Variants in ASB3 observed in about 807,000 individuals in gnomAD.
ASB3 encodes ankyrin repeat and SOCS box protein 3.
In ASB3, 41 loss-of-function variants were observed where a neutral mutation model predicts 54.5. The ratio of observed to expected loss-of-function variants is 0.75; its 90% CI spans 0.59 to 0.98. ASB3 has a LOEUF of 0.98. Ranked by LOEUF, ASB3 falls within the 50% of genes least tolerant of loss-of-function variation. The probability of loss-of-function intolerance (pLI) is 0.00; values close to 1 mark genes in which losing one functional copy is unlikely to be tolerated. For synonymous variants in ASB3, 266 were observed against 221.2 expected (o/e 1.20, Z -1.80); for missense variants, 733 against 620.0 (o/e 1.18, Z -1.94).
intron 1 of ASB3, chr2:53,767,360 G>A (rs1673534037): frequency 6.6e-6 from 1 of 152,032 alleles, no homozygotes; most frequent in Non-Finnish European, 1.5e-5. Context: ...AATCAAATAT[G>A]AATTACATTC....
chr2:53,734,438 T>C (rs3770400), intron 3 of ASB3, among the ~76,000 whole-genome samples: 27,213 of 152,122 alleles, frequency 0.18, 2,721 homozygotes, highest in African/African-American at 0.27. Flanking sequence ...TCTTCTTGAG[T>C]CTACATTCAG....
intron 1 of ASB3, among the ~76,000 whole-genome samples, chr2:53,783,147 G>C (rs1188153038): frequency 6.6e-6 from 1 of 152,008 alleles, no homozygotes; most frequent in Non-Finnish European, 1.5e-5. Context: ...GAAAGAAGCA[G>C]AGCTATTTCC....
chr2:53,768,304 G>A, intron 1 of ASB3: 1 of 368,308 alleles, frequency 2.7e-6, no homozygotes, highest in Non-Finnish European at 4.9e-6. Context: ...TGAGTGCGGA[G>A]ATGGGGACTC....
chr2:53,739,601 C>T (rs1407015867), intron 3 of ASB3, among the ~76,000 whole-genome samples: 1 of 152,116 alleles, frequency 6.6e-6, no homozygotes, highest in Non-Finnish European at 1.5e-5. Flanking sequence ...ATTATAAACA[C>T]AATTTTGTAC....
intron 2 of ASB3, among the ~76,000 whole-genome samples, chr2:53,758,901 C>A (rs951545221): frequency 1.3e-5 from 2 of 152,158 alleles, no homozygotes; most frequent in Non-Finnish European, 2.9e-5. Flanking sequence ...AGTGTATGTA[C>A]CTTTTTCCCT....
intron 8 of ASB3, among the ~76,000 whole-genome samples, chr2:53,696,659 C>T (rs1669197922): frequency 2.0e-5 from 3 of 152,100 alleles, no homozygotes; most frequent in African/African-American, 4.8e-5. Flanking sequence ...GATAGCCCTC[C>T]ACATCCTAAG....
chr2:53,689,119 T>C (rs1668778248), intron 9 of ASB3, among the ~76,000 whole-genome samples: 2 of 151,500 alleles, frequency 1.3e-5, no homozygotes, highest in Admixed American at 1.3e-4. Flanking sequence ...TATTAAGAGT[T>C]AAAAAAGATA....
intron 8 of ASB3, 29 bp downstream of exon 8, chr2:53,700,242 G>T: frequency 1.9e-6 from 3 of 1,599,246 alleles, no homozygotes; most frequent in South Asian, 1.1e-5. Context: ...CTCAAAAAGG[G>T]TAAGCCCGAC....
Position 53,680,238 on chromosome 2 carries a change from C to A in ASB3, c.1370-9548G>T, listed in dbSNP as rs148590581. On this transcript the variant is annotated intron_variant, in intron 9 of 9. Transcript: ENST00000263634. ...ATGTGTCTTTATGACAGAAAGATTT[C>A]TATTCCTAAGGGTATATACCCAGTT... 3.3e-5 allele frequency among the ~76,000 whole-genome samples: 5 copies of A among 152,282 alleles called. No homozygotes were observed. The East Asian group carries it at 7.7e-4, about 24-fold the overall frequency.
At chr2:53,755,583 ATCATCTTACTATG>A (rs915313408) in intron 2 of ASB3, among the ~76,000 whole-genome samples, 97 of 152,304 alleles carry the variant, frequency 6.4e-4, no homozygotes, top group Middle Eastern at 3.4e-3. Flanking sequence ...CACAATTTAT[ATCATCTTACTATG>A]TTTTATTTAG....
Position 53,695,993 on chromosome 2 carries a change from T to C in ASB3, c.1239-1979A>G, listed in dbSNP as rs78479507. On this transcript the variant is annotated intron_variant, in intron 8 of 9. Transcript: ENST00000263634. The stretch of plus-strand genomic sequence containing the variant: ...AATCTACTTTAACAACATATTGGAA[T>C]TTTTATAGAATGTTTCTTATAATAG... 6.0e-3 allele frequency among the ~76,000 whole-genome samples: 916 copies of C among 152,298 alleles called. 11 individuals carry two copies. Among genetic ancestry groups the C allele is most frequent in the African/African-American group, 0.021 (878 of 41,558 alleles).
intron 8 of ASB3, among the ~76,000 whole-genome samples, chr2:53,699,763 C>T (rs186946174): frequency 5.4e-4 from 82 of 152,222 alleles, no homozygotes; most frequent in Non-Finnish European, 7.8e-4. Flanking sequence ...TCTGACTCGG[C>T]GTTTGTATAA....
chr2:53,675,716 G>A (rs1471386236), intron 9 of ASB3, among the ~76,000 whole-genome samples: 2 of 152,142 alleles, frequency 1.3e-5, no homozygotes, highest in Non-Finnish European at 2.9e-5. Flanking sequence ...TTACTAAATG[G>A]AGTTCAAAAC....
intron 1 of ASB3, chr2:53,771,941 C>A: frequency 1.3e-6 from 2 of 1,532,078 alleles, no homozygotes; most frequent in Non-Finnish European, 1.8e-6. Context: ...GAAGATCCTG[C>A]GGTATGGTAT....
At chr2:53,675,344 TAA>T (rs899438731) in intron 9 of ASB3, among the ~76,000 whole-genome samples, 28 of 152,092 alleles carry the variant, frequency 1.8e-4, no homozygotes, top group African/African-American at 6.0e-4. Flanking sequence ...TACTATAAAA[TAA>T]AATAAGCCAA....
rs181611426 is a variant in ASB3 at position 53,744,099 on chromosome 2, G to A, written c.355+6684C>T. 4.6e-3 allele frequency among the ~76,000 whole-genome samples: 699 copies of A among 150,926 alleles called. 7 individuals carry two copies. Among genetic ancestry groups the A allele is most frequent in the African/African-American group, 0.016 (643 of 41,058 alleles). On this transcript the variant is annotated intron_variant, in intron 3 of 9. Transcript: ENST00000263634. ...TGTGTTAAAACATAGAAAGGTGGCT[G>A]GGCGCAGTGGCTCACGCCTGTAATC...
chr2:53,671,099 T>C (rs533412069), intron 9 of ASB3, among the ~76,000 whole-genome samples: 1 of 152,318 alleles, frequency 6.6e-6, no homozygotes, highest in East Asian at 1.9e-4. Flanking sequence ...GATGTACAGC[T>C]TGCAAGTTTT....
At chr2:53,737,261 G>A (rs560642035) in intron 3 of ASB3, among the ~76,000 whole-genome samples, 31 of 152,296 alleles carry the variant, frequency 2.0e-4, no homozygotes, top group Middle Eastern at 3.4e-3. Flanking sequence ...ACATTTCCCC[G>A]TTACGGTACA....
chr2:53,672,575 G>A (rs1291043422), intron 9 of ASB3, among the ~76,000 whole-genome samples: 1 of 152,120 alleles, frequency 6.6e-6, no homozygotes, highest in African/African-American at 2.4e-5. Flanking sequence ...TCAGTTAATA[G>A]AAACTCACCT....
Sources: allele counts gnomAD v4.1 joint callset (sites outside exome capture counted in the v4.1 genomes callset), GRCh38; gene constraint gnomAD v4.1.1; transcripts MANE v1.5; gene names NCBI Gene and HGNC (gene_info 2026-07-23, HGNC 2026-07-21).